EYS: variants seen among roughly 807,000 people sequenced by gnomAD.
EYS encodes the protein EGF-like photoreceptor maintenance factor.
EYS carries 250 observed loss-of-function variants against 282.1 expected under a neutral mutation model. That is an observed-to-expected ratio of 0.89 (90% CI 0.80 to 0.98). The LOEUF is 0.98. Among genes scored for constraint, EYS ranks in the 50% least tolerant of loss-of-function variants. The pLI is 0.00. For missense variants in EYS, 4,016 were observed against 3,709.0 expected, an observed-to-expected ratio of 1.08 and a Z score of -2.15; for synonymous variants, 1,355 against 1,282.9, an observed-to-expected ratio of 1.06 and a Z score of -1.20.
At chr6:63,777,601 T>G (rs1770097262) in intron 40 of EYS, 1 of 160,952 alleles carries the variant, frequency 6.2e-6, no homozygotes, top group Admixed American at 6.1e-5. Flanking sequence ...GGTTTCATAC[T>G]AAAGTAGTTC....
chr6:64,391,703 A>G (rs1021207155), intron 28 of EYS, among the ~76,000 whole-genome samples: 1 of 152,130 alleles, frequency 6.6e-6, no homozygotes, highest in African/African-American at 2.4e-5. Context: ...AAGACTAGGA[A>G]GAAACTGCAT....
At chr6:64,794,100 T>C (rs969581029) in intron 22 of EYS, among the ~76,000 whole-genome samples, 1 of 152,190 alleles carries the variant, frequency 6.6e-6, no homozygotes, top group African/African-American at 2.4e-5. Flanking sequence ...AAATATTTGT[T>C]GTTCTGTGAT....
chr6:65,315,416 C>T (rs1290359614), intron 11 of EYS, among the ~76,000 whole-genome samples: 1 of 152,036 alleles, frequency 6.6e-6, no homozygotes, highest in Admixed American at 6.6e-5. Context: ...TTCCAGTATC[C>T]AGAAGTCTTC....
intron 31 of EYS, among the ~76,000 whole-genome samples, chr6:64,177,253 AT>A (rs1764664544): frequency 6.6e-6 from 1 of 150,492 alleles, no homozygotes; most frequent in South Asian, 2.1e-4. Flanking sequence ...TTTTCTCCTT[AT>A]TTTCTTTCTG....
chr6:65,202,119 A>G (rs1184757716), intron 12 of EYS, among the ~76,000 whole-genome samples: 1 of 152,026 alleles, frequency 6.6e-6, no homozygotes, highest in Non-Finnish European at 1.5e-5. Context: ...CTAAAAAAAA[A>G]AAATGTATTT....
intron 4 of EYS, chr6:65,491,429 T>A (rs182496866): frequency 3.2e-6 from 1 of 312,252 alleles, no homozygotes; most frequent in East Asian, 8.0e-5. Context: ...ACCAACTGCA[T>A]GTAATTTGGC....
chr6:64,196,775 A>G (rs1765302214), intron 31 of EYS, among the ~76,000 whole-genome samples: 1 of 151,332 alleles, frequency 6.6e-6, no homozygotes, highest in African/African-American at 2.4e-5. Context: ...GGATAGCATT[A>G]GGAGATATAC....
intron 8 of EYS, among the ~76,000 whole-genome samples, chr6:65,363,560 A>G (rs948469130): frequency 1.3e-5 from 2 of 151,928 alleles, no homozygotes; most frequent in Non-Finnish European, 2.9e-5. Flanking sequence ...CATACTTGAT[A>G]ACGTTGCCAT....
intron 1 of EYS, among the ~76,000 whole-genome samples, chr6:65,661,573 C>G (rs754710654): frequency 6.6e-6 from 1 of 151,924 alleles, no homozygotes; most frequent in Non-Finnish European, 1.5e-5. Flanking sequence ...ATATTCTTGC[C>G]TTATACTTCC....
Position 65,692,429 on chromosome 6 carries a change from T to A in EYS, c.-448+14706A>T, listed in dbSNP as rs1769278005. 3.3e-5 allele frequency among the ~76,000 whole-genome samples: 5 copies of A among 150,222 alleles called. No homozygotes were observed. The Admixed American group carries it at 3.3e-4, about 10-fold the overall frequency. On this transcript the variant is annotated intron_variant, in intron 1 of 42. Coordinates refer to ENST00000503581, the MANE Select transcript of EYS (RefSeq NM_001142800.2). ...AAAATAAAATTAAAAAGAAGCAGAA[T>A]ATGAAAAAATTGACATAATTCATAG...
chr6:64,207,510 T>A (rs1408957642), intron 31 of EYS, among the ~76,000 whole-genome samples: 2 of 152,288 alleles, frequency 1.3e-5, no homozygotes, highest in East Asian at 3.9e-4. Flanking sequence ...AAAGTTTACA[T>A]ACTAGCTAAT....
intron 12 of EYS, among the ~76,000 whole-genome samples, chr6:65,081,474 A>G (rs959174518): frequency 6.6e-6 from 1 of 152,082 alleles, no homozygotes; most frequent in Admixed American, 6.6e-5. Context: ...TTGCTCTATT[A>G]TATAAAATAC....
rs181938767 is a variant in EYS at position 65,403,753 on chromosome 6, T to A, written c.1057-1148A>T. On this transcript the variant is annotated intron_variant, in intron 6 of 42. Transcript: ENST00000503581. ...GAGAAGAAAAATAGAATTAAAGTAC[T>A]TCTATGAATTAATAGTTAAGCATAC... Among the ~76,000 whole-genome samples the A allele has an allele frequency of 2.3e-3, 355 of 152,072 alleles. 2 individuals carry two copies. The highest frequency in any genetic ancestry group is 8.3e-3 in the African/African-American group (346 of 41,548).
chr6:64,020,946 T>C (rs771500350), intron 33 of EYS, among the ~76,000 whole-genome samples: 1 of 152,174 alleles, frequency 6.6e-6, no homozygotes, highest in Non-Finnish European at 1.5e-5. Context: ...CCAAGAATTA[T>C]GATGACTACA....
intron 5 of EYS, among the ~76,000 whole-genome samples, chr6:65,474,916 C>A (rs1422715440): frequency 6.6e-6 from 1 of 151,444 alleles, no homozygotes; most frequent in Non-Finnish European, 1.5e-5. Flanking sequence ...ATGAGAGCTC[C>A]GGAGAATGTA....
At chr6:65,223,239 C>T (rs888232051) in intron 12 of EYS, among the ~76,000 whole-genome samples, 3 of 152,040 alleles carry the variant, frequency 2.0e-5, no homozygotes, top group Non-Finnish European at 2.9e-5. Flanking sequence ...TGGTGGTAGG[C>T]GTCTGTAATC....
chr6:65,534,720 A>T (rs940064385), intron 2 of EYS, among the ~76,000 whole-genome samples: 3 of 152,142 alleles, frequency 2.0e-5, no homozygotes, highest in Non-Finnish European at 4.4e-5. Flanking sequence ...GCCTCCAATC[A>T]GGGCACAACC....
intron 30 of EYS, among the ~76,000 whole-genome samples, chr6:64,300,741 C>T (rs577306904): frequency 3.3e-5 from 5 of 152,272 alleles, no homozygotes; most frequent in East Asian, 1.9e-4. Context: ...TTCCCTCCAC[C>T]GCAGTGATTC....
At chr6:65,112,021 T>C (rs1775227011) in intron 12 of EYS, among the ~76,000 whole-genome samples, 1 of 152,170 alleles carries the variant, frequency 6.6e-6, no homozygotes, top group Non-Finnish European at 1.5e-5. Context: ...AGATATGAGA[T>C]AACTAAGACT....
Sources: allele counts gnomAD v4.1 joint callset (sites outside exome capture counted in the v4.1 genomes callset), GRCh38; gene constraint gnomAD v4.1.1; transcripts MANE v1.5; gene names NCBI Gene and HGNC (gene_info 2026-07-23, HGNC 2026-07-21).